TNFSF4: variants seen among roughly 807,000 people sequenced by gnomAD.
The protein encoded by TNFSF4 is tumor necrosis factor ligand superfamily member 4.
TNFSF4 carries 4 observed loss-of-function variants against 7.3 expected under a neutral mutation model. The ratio of observed to expected loss-of-function variants is 0.55; its 90% CI spans 0.27 to 1.25. TNFSF4 has a LOEUF of 1.25. Among genes scored for constraint, TNFSF4 ranks in the 50% most tolerant of loss-of-function variants. The probability of loss-of-function intolerance (pLI) is 0.12; values close to 1 mark genes in which losing one functional copy is unlikely to be tolerated. For missense variants in TNFSF4, 181 were observed against 208.8 expected (o/e 0.87, Z 0.82); for synonymous variants, 76 against 83.7 (o/e 0.91, Z 0.50).
At chr1:173,319,161 G>T in the TNFSF4 span, among the ~76,000 whole-genome samples, 1 of 152,156 alleles carries the variant, frequency 6.6e-6, no homozygotes, top group African/African-American at 2.4e-5. Context: ...GGTGGGGTGA[G>T]GGGTACTCGC....
At chr1:173,319,619 T>G in the TNFSF4 span, among the ~76,000 whole-genome samples, 1 of 152,156 alleles carries the variant, frequency 6.6e-6, no homozygotes, top group Non-Finnish European at 1.5e-5. Context: ...CCATCTGGAA[T>G]CAAGCTGGCG....
At chr1:173,246,200 C>A in the TNFSF4 span, among the ~76,000 whole-genome samples, 1 of 152,086 alleles carries the variant, frequency 6.6e-6, no homozygotes, top group African/African-American at 2.4e-5. Flanking sequence ...GCAGAATGTG[C>A]AGGTTTGTTA....
the TNFSF4 span, among the ~76,000 whole-genome samples, chr1:173,382,371 C>T: frequency 6.6e-6 from 1 of 152,148 alleles, no homozygotes; most frequent in Non-Finnish European, 1.5e-5. Flanking sequence ...GGAACTCTAA[C>T]ACTCACCGTG....
the TNFSF4 span, among the ~76,000 whole-genome samples, chr1:173,269,535 G>A: frequency 6.6e-6 from 1 of 151,990 alleles, no homozygotes; most frequent in African/African-American, 2.4e-5. Flanking sequence ...AGTAAAATAA[G>A]GATTCCTTGA....
the TNFSF4 span, among the ~76,000 whole-genome samples, chr1:173,331,663 T>TA: frequency 6.6e-6 from 1 of 152,238 alleles, no homozygotes; most frequent in Non-Finnish European, 1.5e-5. Flanking sequence ...GGCAAGTTAC[T>TA]ATCACTTTTA....
chr1:173,332,712 A>G, the TNFSF4 span, among the ~76,000 whole-genome samples: 5 of 151,186 alleles, frequency 3.3e-5, no homozygotes, highest in African/African-American at 1.2e-4. Flanking sequence ...AAAATTAACC[A>G]TGCGTGGTGG....
At chr1:173,180,331 G>C (rs549998067), downstream of TNFSF4, among the ~76,000 whole-genome samples, 1 of 152,174 alleles carries the variant, frequency 6.6e-6, no homozygotes, top group African/African-American at 2.4e-5. Context: ...TTCAACGCTT[G>C]GTGAGAAGAA....
chr1:173,357,443 G>A, the TNFSF4 span, among the ~76,000 whole-genome samples: 2 of 152,170 alleles, frequency 1.3e-5, no homozygotes, highest in South Asian at 4.1e-4. Flanking sequence ...TCACAAACTA[G>A]AAAGTGAGAA....
chr1:173,380,247 G>C, the TNFSF4 span, among the ~76,000 whole-genome samples: 1 of 152,144 alleles, frequency 6.6e-6, no homozygotes, highest in African/African-American at 2.4e-5. Context: ...CCTTATTAGG[G>C]AGGGACATAT....
chr1:173,261,517 C>CA, the TNFSF4 span, among the ~76,000 whole-genome samples: 1 of 151,786 alleles, frequency 6.6e-6, no homozygotes, highest in Non-Finnish European at 1.5e-5. Flanking sequence ...AAAAACCCTT[C>CA]AAAAAAATCA....
the TNFSF4 span, among the ~76,000 whole-genome samples, chr1:173,354,327 T>C: frequency 6.6e-6 from 1 of 152,042 alleles, no homozygotes; most frequent in Admixed American, 6.6e-5. Context: ...AATAATGAGT[T>C]CTGAAATTGA....
the TNFSF4 span, among the ~76,000 whole-genome samples, chr1:173,367,721 G>A: frequency 6.6e-6 from 1 of 152,152 alleles, no homozygotes; most frequent in Non-Finnish European, 1.5e-5. Flanking sequence ...ATCTGCCTCT[G>A]AACATAAGAC....
the TNFSF4 span, among the ~76,000 whole-genome samples, chr1:173,332,660 C>A: frequency 6.6e-6 from 1 of 152,090 alleles, no homozygotes; most frequent in South Asian, 2.1e-4. Flanking sequence ...TCAAGACTTG[C>A]CTGACCAATA....
chr1:173,241,317 T>C, the TNFSF4 span, among the ~76,000 whole-genome samples: 2 of 152,234 alleles, frequency 1.3e-5, no homozygotes, highest in African/African-American at 2.4e-5. Flanking sequence ...ATAATGTTAC[T>C]GGAACTCCCT....
At chr1:173,289,405 C>T in the TNFSF4 span, among the ~76,000 whole-genome samples, 61 of 152,258 alleles carry the variant, frequency 4.0e-4, 1 homozygote, top group African/African-American at 1.4e-3. Context: ...AATGAATAAA[C>T]TGATCCACAA....
At chr1:173,281,431 G>A in the TNFSF4 span, among the ~76,000 whole-genome samples, 1 of 152,086 alleles carries the variant, frequency 6.6e-6, no homozygotes, top group African/African-American at 2.4e-5. Flanking sequence ...CAAGATGAGA[G>A]CAAGAACATG....
the TNFSF4 span, among the ~76,000 whole-genome samples, chr1:173,265,426 GTTAGCTGCGA>G: frequency 3.9e-5 from 6 of 152,336 alleles, no homozygotes; most frequent in African/African-American, 1.4e-4. Flanking sequence ...GGGAAGGAAA[GTTAGCTGCGA>G]TCTGTAGACT....
chr1:173,260,831 T>A, the TNFSF4 span, among the ~76,000 whole-genome samples: 2 of 152,154 alleles, frequency 1.3e-5, no homozygotes, highest in African/African-American at 4.8e-5. Flanking sequence ...GCACCCAGAT[T>A]CATAAAACAA....
At chr1:173,241,535 C>G in the TNFSF4 span, among the ~76,000 whole-genome samples, 1 of 152,208 alleles carries the variant, frequency 6.6e-6, no homozygotes, top group African/African-American at 2.4e-5. Flanking sequence ...CTGCACTACT[C>G]TCTATTCACA....
Sources: gnomAD v4.1 joint callset for allele counts (sites outside exome capture counted in the v4.1 genomes callset) on GRCh38, gnomAD v4.1.1 for gene constraint, MANE v1.5 for transcripts, NCBI Gene and HGNC (gene_info 2026-07-23, HGNC 2026-07-21) for gene names.